The following SMAP2 variants were observed in gnomAD, a reference collection of about 807,000 sequenced individuals.
SMAP2 encodes stromal membrane-associated protein 2.
Under a neutral mutation model 56.4 loss-of-function variants are expected in SMAP2, and 25 were observed. That is an observed-to-expected ratio of 0.44 (90% CI 0.32 to 0.62). SMAP2 has a LOEUF of 0.62. Ranked by LOEUF, SMAP2 falls within the 20% of genes least tolerant of loss-of-function variation. The pLI is 0.04. For synonymous variants in SMAP2, 157 were observed against 181.7 expected, an observed-to-expected ratio of 0.86 and a Z score of 1.09; for missense variants, 388 against 545.6, an observed-to-expected ratio of 0.71 and a Z score of 2.88.
chr1:40,404,060 T>C (rs1220596981), intron 1 of SMAP2, among the ~76,000 whole-genome samples: 1 of 152,222 alleles, frequency 6.6e-6, no homozygotes, highest in African/African-American at 2.4e-5. Context: ...ATCTTGCCTC[T>C]GCATTCCAGC....
At chr1:40,400,626 G>A (rs1044282465) in intron 1 of SMAP2, among the ~76,000 whole-genome samples, 1 of 152,194 alleles carries the variant, frequency 6.6e-6, no homozygotes, top group Non-Finnish European at 1.5e-5. Context: ...CAATGGAATG[G>A]ATGGAGGTGT....
At chr1:40,394,090 T>C (rs1300981136) in intron 1 of SMAP2, among the ~76,000 whole-genome samples, 1 of 152,160 alleles carries the variant, frequency 6.6e-6, no homozygotes, top group African/African-American at 2.4e-5. Context: ...TATGCTTGTT[T>C]TCAAGAATTT....
chr1:40,416,844 A>G lies in SMAP2; in HGVS notation c.912A>G (p.Thr304=), dbSNP rs1644992513. ...CCTACCCCAGCTTCCCCGGGGTTAC[A>G]CCTCCTAACAGCATAATGGGGAGCA... is the stretch of plus-strand genomic sequence containing the variant. ...PTAYPSFPGV[T]PPNSIMGSMM... is the part of the protein sequence containing the mutation. Residue 304 remains threonine (T), a synonymous_variant, in exon 9 of 10, where the codon ACA becomes ACG. Transcript: ENST00000372718. 1.9e-6 allele frequency: 3 copies of G among 1,613,326 alleles called. No homozygotes were observed. Among genetic ancestry groups the G allele is most frequent in the South Asian group, 1.1e-5 (1 of 91,068 alleles).
rs1004138 is a variant in SMAP2, at chr1:40,386,669, C to T, written c.103+12446C>T. Among the ~76,000 whole-genome samples the T allele has an allele frequency of 0.057, 8,740 of 152,022 alleles. 839 individuals carry two copies. Among genetic ancestry groups the T allele is most frequent in the African/African-American group, 0.2 (8,253 of 41,372 alleles). Reference sequence around the variant, plus strand: ...TAGGAACAGACCAGTTGTTTTCTGTCTTGTGGGATTTTAGGAGCTGGGGAG... The same window carrying T: ...TAGGAACAGACCAGTTGTTTTCTGTTTTGTGGGATTTTAGGAGCTGGGGAG... On this transcript the variant is annotated intron_variant, in intron 1 of 9. Coordinates refer to ENST00000372718, the MANE Select transcript of SMAP2 (RefSeq NM_022733.3). This position sits in a 1 kb window ranked among gnomAD's most constrained non-coding sequence, Gnocchi z 4.1.
At chr1:40,402,165 A>T (rs971792849) in intron 1 of SMAP2, among the ~76,000 whole-genome samples, 1 of 152,336 alleles carries the variant, frequency 6.6e-6, no homozygotes, top group African/African-American at 2.4e-5. Flanking sequence ...CTTGATTGCC[A>T]TGACCAATGT....
At chr1:40,395,661 T>C in intron 1 of SMAP2, among the ~76,000 whole-genome samples, 1 of 152,208 alleles carries the variant, frequency 6.6e-6, no homozygotes. Context: ...CTGGTTAAGG[T>C]ATATTGACTT....
chr1:40,381,236 A>T (rs933286084), intron 1 of SMAP2, among the ~76,000 whole-genome samples: 12 of 152,346 alleles, frequency 7.9e-5, no homozygotes, highest in Admixed American at 4.6e-4. Context: ...ACTTTTTCTC[A>T]GACATTGTAC....
chr1:40,392,192 T>A (rs1644723716), intron 1 of SMAP2, among the ~76,000 whole-genome samples: 1 of 152,194 alleles, frequency 6.6e-6, no homozygotes, highest in South Asian at 2.1e-4. Flanking sequence ...AACTTTGAAT[T>A]TGCTCCCAGT....
At chr1:40,417,197 T>C in intron 9 of SMAP2, 101 bp downstream of exon 9, 1 of 820,840 alleles carries the variant, frequency 1.2e-6, no homozygotes, top group Non-Finnish European at 1.9e-6. Flanking sequence ...TCCATGTAGA[T>C]GAGATAATGT....
chr1:40,352,430 C>T (rs1361828705), intron 1 of SMAP2, among the ~76,000 whole-genome samples: 5 of 152,118 alleles, frequency 3.3e-5, no homozygotes, highest in African/African-American at 7.2e-5. Context: ...CTTGATTGCT[C>T]GGAAAAGAAC....
chr1:40,374,705 A>G lies in SMAP2; in HGVS notation c.103+482A>G, dbSNP rs1480559401. On this transcript the variant is annotated intron_variant, in intron 1 of 9. Coordinates refer to ENST00000372718, the MANE Select transcript of SMAP2 (RefSeq NM_022733.3). This position sits in a 1 kb window ranked among gnomAD's most constrained non-coding sequence, Gnocchi z 5.9. ...AAGGAAAACTGCTTAAATGATTTTT[A>G]AAGGTGGTGATTTTTGCTTCCTGCT... The G allele has an allele frequency of 6.5e-7, 1 of 1,550,294 alleles. No homozygotes were observed. Among genetic ancestry groups the G allele is most frequent in the Admixed American group, 2.0e-5 (1 of 50,964 alleles).
chr1:40,393,228 A>T, intron 1 of SMAP2: 1 of 1,198,444 alleles, frequency 8.3e-7, no homozygotes, highest in East Asian at 2.6e-5. Context: ...CAAGAAGCTG[A>T]GGTGGGAGGA....
chr1:40,360,855 A>G (rs999959295), intron 1 of SMAP2, among the ~76,000 whole-genome samples: 22 of 152,238 alleles, frequency 1.4e-4, no homozygotes, highest in Admixed American at 1.2e-3. Flanking sequence ...AACAGTTCAC[A>G]TTAGTCTCAC....
intron 1 of SMAP2, among the ~76,000 whole-genome samples, chr1:40,403,244 G>A (rs761754213): frequency 1.3e-5 from 2 of 152,174 alleles, no homozygotes; most frequent in Non-Finnish European, 2.9e-5. Flanking sequence ...GGTGGCTCAC[G>A]CCTGTAATCC....
intron 2 of SMAP2, chr1:40,364,920 G>A (rs565222064): frequency 5.4e-5 from 12 of 222,642 alleles, no homozygotes; most frequent in Admixed American, 4.5e-4. Context: ...GCCTAAATAA[G>A]GTGGGTAAGT....
At chr1:40,377,952 C>T (rs962912419) in intron 1 of SMAP2, among the ~76,000 whole-genome samples, 2 of 152,136 alleles carry the variant, frequency 1.3e-5, no homozygotes, top group Admixed American at 6.5e-5. Flanking sequence ...ATAACTTATA[C>T]ACATCCTCCC....
At position 40,421,981 on chromosome 1, in the gene SMAP2, C is replaced by T. The variant is rs1645047820; in HGVS notation, c.1170C>T (p.Thr390=). The change falls in exon 10 of 10, where the codon ACC becomes ACT. Residue 390 remains threonine (T), a synonymous_variant. Coordinates refer to ENST00000372718, the MANE Select transcript of SMAP2 (RefSeq NM_022733.3). The part of the protein sequence containing the change: ...QQLQWNLTQM[T]QQMAGMNFYG... ...GTCTCCTCTCTCCCTTTCAGATGACCCAGCAGATGGCTGGGATGAACTTCT... is the reference window on the plus strand; with the variant it reads ...GTCTCCTCTCTCCCTTTCAGATGACTCAGCAGATGGCTGGGATGAACTTCT... The T allele has an allele frequency of 6.2e-7, 1 of 1,614,162 alleles. No individual in the cohort carries two copies. The highest frequency in any genetic ancestry group is 1.3e-5 in the African/African-American group (1 of 75,036).
At chr1:40,357,409 C>G (rs1380388726) in intron 1 of SMAP2, among the ~76,000 whole-genome samples, 1 of 151,656 alleles carries the variant, frequency 6.6e-6, no homozygotes. Context: ...AAGCTGAGAT[C>G]ACACCACTGC....
intron 4 of SMAP2, among the ~76,000 whole-genome samples, chr1:40,410,441 A>T (rs2935888): frequency 2.0e-5 from 3 of 151,472 alleles, no homozygotes; most frequent in African/African-American, 7.3e-5. Context: ...GTATATGTGT[A>T]TATGTACTAC....
Sources: allele counts gnomAD v4.1 joint callset (sites outside exome capture counted in the v4.1 genomes callset), GRCh38; gene constraint gnomAD v4.1.1; non-coding constraint Gnocchi (gnomAD v3.1); transcripts MANE v1.5; gene names NCBI Gene and HGNC (gene_info 2026-07-23, HGNC 2026-07-21).